Variants in PAPPA observed in about 807,000 individuals in gnomAD.
The protein encoded by PAPPA is pappalysin-1.
A neutral mutation model predicts 164.0 loss-of-function variants in PAPPA; 60 were observed. The ratio of observed to expected loss-of-function variants is 0.37; its 90% CI spans 0.30 to 0.45. The LOEUF is 0.45. PAPPA is among the 20% of genes least tolerant of loss of function. The pLI, the probability that PAPPA is intolerant of heterozygous loss-of-function variation, is 1.00. For missense variants in PAPPA, 1,782 were observed against 2,087.3 expected (o/e 0.85, Z 2.85); for synonymous variants, 875 against 814.1 (o/e 1.07, Z -1.27).
At chr9:116,207,660 C>T (rs1036925739) in intron 3 of PAPPA, 59 bp downstream of exon 3, 12 of 1,247,830 alleles carry the variant, frequency 9.6e-6, no homozygotes, top group Admixed American at 4.5e-5. Flanking sequence ...ACACTTAGTG[C>T]GATGATGATC....
At chr9:116,269,810 G>A (rs1845116427) in intron 8 of PAPPA, among the ~76,000 whole-genome samples, 2 of 152,160 alleles carry the variant, frequency 1.3e-5, no homozygotes, top group Non-Finnish European at 2.9e-5. Flanking sequence ...CATTAGCTTA[G>A]AAGCACAAGG....
chr9:116,290,444 A>G (rs1196097701), intron 9 of PAPPA, among the ~76,000 whole-genome samples: 1 of 151,792 alleles, frequency 6.6e-6, no homozygotes, highest in African/African-American at 2.4e-5. Context: ...AGAACCAAAT[A>G]TATCTTAGAG....
At chr9:116,213,991 C>T (rs1226856898) in intron 4 of PAPPA, among the ~76,000 whole-genome samples, 1 of 152,166 alleles carries the variant, frequency 6.6e-6, no homozygotes, top group Non-Finnish European at 1.5e-5. Context: ...GGGTCAACTT[C>T]TTCTCGTTGC....
In PAPPA at chr9:116,400,359, G is replaced by A. The variant is rs1201011391; in HGVS notation, c.*3743G>A. 2 of 152,234 alleles carry A rather than the reference G, an allele frequency of 1.3e-5. No individual in the cohort carries two copies. Among genetic ancestry groups the A allele is most frequent in the South Asian group, 2.1e-4 (1 of 4,810 alleles). 9.4% of individuals were successfully genotyped at this position (152,234 alleles called of 1,614,324 possible). ...TGTTATTTTCTGTACATTGTGGTAGGTCCAGGAAATATGACATTTTCCCCC... is the reference window on the plus strand; with the variant it reads ...TGTTATTTTCTGTACATTGTGGTAGATCCAGGAAATATGACATTTTCCCCC... On this transcript the variant is annotated 3_prime_UTR_variant, in exon 22 of 22. Transcript: ENST00000328252.
chr9:116,390,291 A>C (rs1235892374), intron 21 of PAPPA, among the ~76,000 whole-genome samples: 1 of 152,114 alleles, frequency 6.6e-6, no homozygotes, highest in Non-Finnish European at 1.5e-5. Flanking sequence ...GAAGGACCAG[A>C]GATAGGGGTG....
At position 116,402,038 on chromosome 9, in the gene PAPPA, T is replaced by C. The variant is rs1422051282; in HGVS notation, c.*5422T>C. 1.3e-5 allele frequency: 2 copies of C among 152,514 alleles called. No homozygotes were observed. The highest frequency in any genetic ancestry group is 3.8e-4 in the East Asian group (2 of 5,200). 9.4% of individuals were successfully genotyped at this position (152,514 alleles called of 1,614,324 possible). On this transcript the variant is annotated 3_prime_UTR_variant, in exon 22 of 22. Coordinates refer to ENST00000328252, the MANE Select transcript of PAPPA (RefSeq NM_002581.5). ...TGGCAATATATAAAAATGTAAATAG[T>C]AAACTTTATTTATTAAGAATGTCAT...
intron 9 of PAPPA, among the ~76,000 whole-genome samples, chr9:116,294,089 G>C (rs1335812043): frequency 1.3e-5 from 2 of 152,192 alleles, no homozygotes; most frequent in African/African-American, 4.8e-5. Flanking sequence ...GAGTGTGTAA[G>C]GGCTAAGTAG....
intron 7 of PAPPA, among the ~76,000 whole-genome samples, chr9:116,257,829 A>T (rs534683758): frequency 6.6e-6 from 1 of 152,140 alleles, no homozygotes; most frequent in African/African-American, 2.4e-5. Context: ...ACAGTCTATG[A>T]GGACTTCTAA....
chr9:116,213,848 G>T (rs1844339615), intron 4 of PAPPA, among the ~76,000 whole-genome samples: 1 of 152,076 alleles, frequency 6.6e-6, no homozygotes, highest in African/African-American at 2.4e-5. Flanking sequence ...GTTTTCCTTG[G>T]GATTTCTGAT....
chr9:116,234,032 G>A (rs1417826332), intron 6 of PAPPA, among the ~76,000 whole-genome samples: 1 of 152,108 alleles, frequency 6.6e-6, no homozygotes, highest in African/African-American at 2.4e-5. Flanking sequence ...GCAGGACTCT[G>A]TCTCTTAATT....
intron 11 of PAPPA, among the ~76,000 whole-genome samples, 159 bp from the exon 12 acceptor site, chr9:116,332,174 G>C (rs1057376318): frequency 1.3e-5 from 2 of 152,182 alleles, no homozygotes; most frequent in African/African-American, 2.4e-5. Flanking sequence ...GCTCTTCACT[G>C]TTAGGTTTCA....
rs566182038 is a variant in PAPPA, at chr9:116,285,606, T to C, written c.2953+14190T>C. On this transcript the variant is annotated intron_variant, in intron 9 of 21. Transcript: ENST00000328252. ...GAAACCTTCTTAAATCTGGGTTAGA[T>C]TGGATTGGGGGTCCCTCCTCTGTGC... 4.6e-5 allele frequency among the ~76,000 whole-genome samples: 7 copies of C among 152,246 alleles called. No homozygotes were observed. The South Asian group carries it at 1.2e-3, about 27-fold the overall frequency.
chr9:116,154,290 C>T lies in PAPPA; in HGVS notation c.118C>T (p.Pro40Ser). ...CCCGCGGGCCGGCCGACCCCCGCGC[C>T]CCGCCGCCGGCCCGGCCACCTGCGC... ...RDPRAGRPPRPAAGPATCATR... is the reference protein window; with the variant it reads ...RDPRAGRPPRSAAGPATCATR... Residue 40 changes from proline to serine, a missense_variant, in exon 1 of 22, where the codon CCC becomes TCC. By Grantham distance (74) the Pro-to-Ser change is moderately conservative (BLOSUM62 -1). Around this residue, in one of 2 missense-constraint regions of PAPPA, gnomAD observed 458 missense variants for 430.3 expected, o/e 1.06. Coordinates refer to ENST00000328252, the MANE Select transcript of PAPPA (RefSeq NM_002581.5). This position sits in a 1 kb window ranked among gnomAD's most constrained non-coding sequence, Gnocchi z 5.2. The T allele has an allele frequency of 1.0e-6, 1 of 973,466 alleles. No homozygotes were observed. Among genetic ancestry groups the T allele is most frequent in the Non-Finnish European group, 1.2e-6 (1 of 819,544 alleles). 60.3% of individuals were successfully genotyped at this position (973,466 alleles called of 1,614,324 possible).
At position 116,187,584 on chromosome 9, in the gene PAPPA, T is replaced by G. The variant is rs1224538789; in HGVS notation, c.846T>G (p.Pro282=). 6.2e-7 allele frequency: 1 copy of G among 1,614,060 alleles called. No homozygotes were observed. Among genetic ancestry groups the G allele is most frequent in the Non-Finnish European group, 8.5e-7 (1 of 1,180,040 alleles). ...METHGAHTAL[P]QLLLQENWDN... is the part of the protein sequence containing the mutation. ...CCCATGGCGCCCACACTGCTCTACC[T>G]CAGCTCCTCCTCCAGGAGAACTGGG... The change falls in exon 2 of 22, where the codon CCT becomes CCG. Residue 282 remains proline, a synonymous_variant. Coordinates refer to ENST00000328252, the MANE Select transcript of PAPPA (RefSeq NM_002581.5). This position sits in a 1 kb window ranked among gnomAD's most constrained non-coding sequence, Gnocchi z 4.2.
At chr9:116,247,196 G>A (rs1844806876) in intron 7 of PAPPA, among the ~76,000 whole-genome samples, 1 of 152,102 alleles carries the variant, frequency 6.6e-6, no homozygotes, top group Admixed American at 6.6e-5. Context: ...AGATGTCTAT[G>A]GATTAATAGT....
At chr9:116,281,297 G>A (rs1845263550) in intron 9 of PAPPA, among the ~76,000 whole-genome samples, 1 of 152,180 alleles carries the variant, frequency 6.6e-6, no homozygotes, top group Non-Finnish European at 1.5e-5. Context: ...GAATAAGCCA[G>A]ATGAGAGAGA....
intron 9 of PAPPA, among the ~76,000 whole-genome samples, chr9:116,282,297 T>A (rs778396902): frequency 5.9e-5 from 9 of 152,192 alleles, no homozygotes; most frequent in Non-Finnish European, 1.2e-4. Context: ...GTTTAGGGAA[T>A]AAGAACAAGA....
rs757303323 is a variant in PAPPA at position 116,362,758 on chromosome 9, G to A, written c.4495+19G>A. The A allele has an allele frequency of 7.5e-6, 12 of 1,606,700 alleles. No individual in the cohort carries two copies. In the East Asian group the frequency reaches 2.7e-4, roughly 36 times the overall value. ...GCCATAGGTATGATGGGCCCGAGAG[G>A]GGAGCAGTAGGAGGGGCAATTCCTT... is the stretch of plus-strand genomic sequence containing the variant. On this transcript the variant is annotated intron_variant, in intron 18 of 21. Coordinates refer to ENST00000328252, the MANE Select transcript of PAPPA (RefSeq NM_002581.5).
intron 2 of PAPPA, among the ~76,000 whole-genome samples, chr9:116,200,574 C>T (rs547888949): frequency 1.3e-5 from 2 of 152,216 alleles, no homozygotes; most frequent in South Asian, 4.2e-4. Context: ...TTCAACAGTT[C>T]CAGTGTGTAG....
Sources: gnomAD v4.1 joint callset for allele counts (sites outside exome capture counted in the v4.1 genomes callset) on GRCh38, gnomAD v4.1.1 for gene constraint, gnomAD v4.1.1 regional missense constraint, Gnocchi (gnomAD v3.1) non-coding constraint, MANE v1.5 for transcripts, NCBI Gene and HGNC (gene_info 2026-07-23, HGNC 2026-07-21) for gene names.